FLT1: variants seen among roughly 807,000 people sequenced by gnomAD.
The protein encoded by FLT1 is vascular endothelial growth factor receptor 1.
A neutral mutation model predicts 156.3 loss-of-function variants in FLT1; 49 were observed. The ratio of observed to expected loss-of-function variants is 0.31; its 90% confidence interval spans 0.25 to 0.40. The LOEUF is 0.40. Ranked by LOEUF, FLT1 falls within the 10% of genes least tolerant of loss-of-function variation. The pLI, the probability that FLT1 is intolerant of heterozygous loss-of-function variation, is 1.00. For missense variants in FLT1, 1,322 were observed against 1,637.2 expected (o/e 0.81, Z 3.32); for synonymous variants, 594 against 583.8 (o/e 1.02, Z -0.25).
intron 11 of FLT1, among the ~76,000 whole-genome samples, chr13:28,397,996 A>C (rs527759378): frequency 1.3e-5 from 2 of 152,206 alleles, no homozygotes; most frequent in Non-Finnish European, 2.9e-5. Flanking sequence ...AAAAGTAATG[A>C]AACAAAATTT....
chr13:28,383,640 C>T (rs1484174087), intron 14 of FLT1, among the ~76,000 whole-genome samples: 124 of 150,016 alleles, frequency 8.3e-4, no homozygotes, highest in African/African-American at 2.8e-3. Flanking sequence ...CCAGCCTGGG[C>T]GACAGAGCGA....
At chr13:28,445,866 A>G (rs2137575552) in intron 3 of FLT1, among the ~76,000 whole-genome samples, 1 of 152,352 alleles carries the variant, frequency 6.6e-6, no homozygotes, top group East Asian at 1.9e-4. Flanking sequence ...CAAGAAAATG[A>G]CAAACCAATA....
intron 14 of FLT1, among the ~76,000 whole-genome samples, chr13:28,371,050 T>C (rs1044794488): frequency 6.6e-6 from 1 of 151,770 alleles, no homozygotes; most frequent in South Asian, 2.1e-4. Flanking sequence ...CTAAAAAGAG[T>C]GGGGTAGAAC....
chr13:28,438,387 T>G, intron 3 of FLT1, 42 bp from the exon 4 acceptor site: 1 of 1,525,314 alleles, frequency 6.6e-7, no homozygotes, highest in Non-Finnish European at 9.1e-7. Flanking sequence ...CATAAATGAT[T>G]GACATGCAAG....
At chr13:28,385,428 G>A (rs1874301358) in intron 13 of FLT1, 3 of 658,886 alleles carry the variant, frequency 4.6e-6, no homozygotes, top group South Asian at 1.0e-4. Flanking sequence ...AATATATAGT[G>A]CTGTAGTGAT....
chr13:28,305,958 A>AG (rs1362701395), intron 29 of FLT1, among the ~76,000 whole-genome samples: 1 of 152,166 alleles, frequency 6.6e-6, no homozygotes, highest in African/African-American at 2.4e-5. Context: ...CCCCGGATTT[A>AG]GGTGAAAGAG....
In FLT1 at chr13:28,369,433, G is replaced by A. The variant is rs548680193; in HGVS notation, c.2117-11748C>T. On this transcript the variant is annotated intron_variant, in intron 14 of 29. Transcript: ENST00000282397. ...CCAGCTACTCACGAGGCTGAGGCAG[G>A]AGAATTGCTTGAACCCAGGAGATGG... Among the ~76,000 whole-genome samples, 53 of 151,864 alleles carry A rather than the reference G, an allele frequency of 3.5e-4. No individual in the cohort carries two copies. In the South Asian group the frequency reaches 0.011, roughly 30 times the overall value.
intron 1 of FLT1, among the ~76,000 whole-genome samples, chr13:28,477,600 A>G (rs1289154439): frequency 6.6e-6 from 1 of 152,228 alleles, no homozygotes; most frequent in Non-Finnish European, 1.5e-5. Context: ...GCAAATGGAC[A>G]CGAACAGAGA....
intron 11 of FLT1, chr13:28,399,124 A>G (rs757985562): frequency 6.5e-7 from 1 of 1,546,140 alleles, no homozygotes; most frequent in South Asian, 1.2e-5. Flanking sequence ...GGAAGCTGGA[A>G]GACAGGAGAG....
At chr13:28,401,047 G>A (rs1011692766) in intron 11 of FLT1, among the ~76,000 whole-genome samples, 2 of 152,090 alleles carry the variant, frequency 1.3e-5, no homozygotes, top group East Asian at 1.9e-4. Context: ...CTAACAAGAC[G>A]AAACCCTGTC....
chr13:28,322,562 G>A lies in FLT1; in HGVS notation c.2954-203C>T, dbSNP rs1448140542. 5.5e-6 allele frequency: 4 copies of A among 721,834 alleles called. No homozygotes were observed. The highest frequency in any genetic ancestry group is 3.5e-5 in the African/African-American group (2 of 57,580). The allele number at this position is 721,834 out of a possible 1,614,324, so 44.7% of individuals were successfully genotyped here. On this transcript the variant is annotated intron_variant, in intron 21 of 29. Transcript: ENST00000282397. This position sits in a 1 kb window ranked among gnomAD's most constrained non-coding sequence, Gnocchi z 4.3. ...CTTTATCCAAGCATGGGGGCAGGGG[G>A]ATGATCCATTAAGATGAAAATCCCT...
intron 6 of FLT1, among the ~76,000 whole-genome samples, chr13:28,433,404 G>C (rs1877818763): frequency 6.6e-6 from 1 of 152,184 alleles, no homozygotes; most frequent in Admixed American, 6.5e-5. Flanking sequence ...CTGTCTGCCA[G>C]TATCTTAAAT....
intron 11 of FLT1, among the ~76,000 whole-genome samples, chr13:28,398,784 T>C (rs540295389): frequency 1.3e-5 from 2 of 152,312 alleles, no homozygotes; most frequent in South Asian, 4.1e-4. Flanking sequence ...GAGACAGAGA[T>C]GAATATGACA....
At chr13:28,429,018 A>G (rs1877517278) in intron 8 of FLT1, among the ~76,000 whole-genome samples, 1 of 152,142 alleles carries the variant, frequency 6.6e-6, no homozygotes, top group South Asian at 2.1e-4. Context: ...GAAGAAATCA[A>G]CACTAACAGA....
In FLT1 at chr13:28,313,542, G is replaced by T. The variant is rs1053383574; in HGVS notation, c.3387-1444C>A. Reference sequence around the variant, plus strand: ...GAATGGGCTCCGAATTTGGCTCTGGGTGGGAATTGGGCTGTAAGCACTATG... The same window carrying T: ...GAATGGGCTCCGAATTTGGCTCTGGTTGGGAATTGGGCTGTAAGCACTATG... On this transcript the variant is annotated intron_variant, in intron 25 of 29. Transcript: ENST00000282397. 3.5e-4 allele frequency among the ~76,000 whole-genome samples: 53 copies of T among 152,182 alleles called. 1 individual carries two copies. The highest frequency in any genetic ancestry group is 2.1e-4 in the South Asian group (1 of 4,830).
At position 28,341,382 on chromosome 13, in the gene FLT1, G is replaced by A. The variant is rs368699018; in HGVS notation, c.2356-2082C>T. 2.6e-5 allele frequency among the ~76,000 whole-genome samples: 4 copies of A among 152,212 alleles called. No individual in the cohort carries two copies. The East Asian group carries it at 7.7e-4, about 29-fold the overall frequency. The stretch of plus-strand genomic sequence containing the variant: ...AGTGCTTCAAAGCCCAGGCATGGGG[G>A]CTGAATACCTGGGTTTGAATCACAG... On this transcript the variant is annotated intron_variant, in intron 16 of 29. Coordinates refer to ENST00000282397, the MANE Select transcript of FLT1 (RefSeq NM_002019.4).
intron 8 of FLT1, 127 bp downstream of exon 8, chr13:28,429,923 T>G: frequency 1.3e-6 from 1 of 777,396 alleles, no homozygotes. Flanking sequence ...TACAGAGTTC[T>G]GAGCTCTCTG....
In FLT1 at chr13:28,430,105, G is replaced by T. The variant is rs766441216; in HGVS notation, c.1051C>A (p.Arg351=). The T allele has an allele frequency of 2.5e-6, 4 of 1,613,740 alleles. No individual in the cohort carries two copies. Among genetic ancestry groups the T allele is most frequent in the South Asian group, 1.1e-5 (1 of 91,080 alleles). The change falls in exon 8 of 30, where the codon CGG becomes AGG. Residue 351 remains arginine, a synonymous_variant. Coordinates refer to ENST00000282397, the MANE Select transcript of FLT1 (RefSeq NM_002019.4). The part of the protein sequence containing the change: ...QQVLETVAGK[R]SYRLSMKVKA... ...ACTTTCATAGAGAGCCGGTAAGACC[G>T]CTTGCCAGCTACGGTTTCAAGCACC...
chr13:28,386,034 CAA>C (rs1349018510), intron 13 of FLT1: 2 of 1,052,992 alleles, frequency 1.9e-6, no homozygotes, highest in Admixed American at 5.5e-5. Flanking sequence ...GAACAGAAAT[CAA>C]AAGAGTTTTG....
Sources: allele counts gnomAD v4.1 joint callset (sites outside exome capture counted in the v4.1 genomes callset), GRCh38; gene constraint gnomAD v4.1.1; non-coding constraint Gnocchi (gnomAD v3.1); transcripts MANE v1.5; gene names NCBI Gene and HGNC (gene_info 2026-07-23, HGNC 2026-07-21).